The following LNX1 variants were observed in gnomAD, a reference collection of about 807,000 sequenced individuals.
LNX1 encodes the protein ligand of numb-protein X 1.
Under a neutral mutation model 68.4 loss-of-function variants are expected in LNX1, and 54 were observed. The observed-to-expected ratio is 0.79, with a 90% confidence interval of 0.63 to 0.99. The LOEUF is 0.99. Among genes scored for constraint, LNX1 ranks in the 50% least tolerant of loss-of-function variants. The pLI is 0.00. For missense variants in LNX1, 906 were observed against 926.4 expected, an observed-to-expected ratio of 0.98 and a Z score of 0.29; for synonymous variants, 336 against 350.0, an observed-to-expected ratio of 0.96 and a Z score of 0.45.
intron 2 of LNX1, among the ~76,000 whole-genome samples, chr4:53,536,374 G>A (rs1304411585): frequency 6.6e-6 from 1 of 152,104 alleles, no homozygotes; most frequent in Non-Finnish European, 1.5e-5. Context: ...CACAGTCAAA[G>A]TCGTTCCCTA....
At chr4:53,476,522 C>G (rs1482458526) in intron 9 of LNX1, among the ~76,000 whole-genome samples, 1 of 152,172 alleles carries the variant, frequency 6.6e-6, no homozygotes, top group African/African-American at 2.4e-5. Context: ...AGCTCCTCAA[C>G]CTGAACGCCA....
At chr4:53,612,705 AT>A (rs71197034) in intron 2 of LNX1, among the ~76,000 whole-genome samples, 55,701 of 145,264 alleles carry the variant, frequency 0.38, 10,924 homozygotes, top group Admixed American at 0.44. Context: ...TAATTTTTGT[AT>A]TTTTTTTTTT....
chr4:53,511,545 A>G (rs1328851608), intron 2 of LNX1, among the ~76,000 whole-genome samples: 2 of 152,230 alleles, frequency 1.3e-5, no homozygotes, highest in Non-Finnish European at 2.9e-5. Flanking sequence ...GGTGCTGTCC[A>G]TTCAAATGAG....
intron 6 of LNX1, among the ~76,000 whole-genome samples, chr4:53,491,791 A>C (rs1724691165): frequency 1.4e-5 from 1 of 73,564 alleles, no homozygotes; most frequent in Admixed American, 1.8e-4. Flanking sequence ...AGGATACGAT[A>C]CTTTTTTTTG....
intron 2 of LNX1, among the ~76,000 whole-genome samples, chr4:53,530,884 C>A (rs368664273): frequency 6.6e-6 from 1 of 152,044 alleles, no homozygotes; most frequent in African/African-American, 2.4e-5. Context: ...TAAAATGAGG[C>A]CAGGCATAGT....
intron 2 of LNX1, among the ~76,000 whole-genome samples, chr4:53,607,917 C>T (rs896392792): frequency 1.1e-4 from 17 of 152,050 alleles, no homozygotes; most frequent in Non-Finnish European, 1.8e-4. Flanking sequence ...TAGCCAGATG[C>T]GGAAGATTGA....
At chr4:53,495,625 C>T (rs12642437) in intron 6 of LNX1, among the ~76,000 whole-genome samples, 40,479 of 149,976 alleles carry the variant, frequency 0.27, 6,127 homozygotes, top group South Asian at 0.52. Context: ...TCACTGCAAC[C>T]TCCGCCTCCC....
intron 2 of LNX1, chr4:53,557,974 C>T (rs753975077): frequency 8.7e-6 from 14 of 1,613,404 alleles, no homozygotes; most frequent in Non-Finnish European, 1.2e-5. Context: ...ATTCTCCGAG[C>T]AGTGTGCTGC....
intron 2 of LNX1, among the ~76,000 whole-genome samples, chr4:53,570,664 T>TCATA (rs1553939582): frequency 6.3e-5 from 9 of 143,688 alleles, no homozygotes; most frequent in Admixed American, 6.9e-5. Context: ...TAAAGTATAA[T>TCATA]AATAAATAAA....
chr4:53,645,079 G>T (rs2616389), intron 1 of LNX1, among the ~76,000 whole-genome samples: 1 of 152,196 alleles, frequency 6.6e-6, no homozygotes, highest in African/African-American at 2.4e-5. Context: ...GCCAGGCAGT[G>T]TCCACGCCAA....
rs1349632545 is a variant in LNX1 at position 53,636,179 on chromosome 4, C to T, written c.-215+15989G>A. Among the ~76,000 whole-genome samples the T allele has an allele frequency of 5.2e-3, 443 of 85,262 alleles. 2 individuals are homozygous for T. The highest frequency in any genetic ancestry group is 0.019 in the African/African-American group (414 of 21,506). The allele number at this position is 85,262 out of a possible 152,430, so 55.9% of individuals were successfully genotyped here. ...CTCAGAGACTGCACATCTATTACTC[C>T]TTTTTTTTTTTTTTTTTTTTTTTTC... On this transcript the variant is annotated intron_variant, in intron 1 of 2. Transcript: ENST00000507168.
At chr4:53,557,744 G>A in intron 2 of LNX1, 10 of 1,034,348 alleles carry the variant, frequency 9.7e-6, no homozygotes, top group Non-Finnish European at 1.4e-5. Flanking sequence ...TGCTGGCAGG[G>A]TGCTTTGTCC....
chr4:53,476,591 A>C (rs958652045), intron 9 of LNX1, among the ~76,000 whole-genome samples, 162 bp downstream of exon 9: 1 of 152,208 alleles, frequency 6.6e-6, no homozygotes, highest in African/African-American at 2.4e-5. Flanking sequence ...ATGCATTTTC[A>C]GTTACAAATG....
At chr4:53,559,938 G>GCTA (rs1730165433) in intron 2 of LNX1, among the ~76,000 whole-genome samples, 2 of 152,164 alleles carry the variant, frequency 1.3e-5, no homozygotes, top group Admixed American at 6.5e-5. Context: ...TAGGATTACA[G>GCTA]GTGCAAGCCA....
intron 1 of LNX1, among the ~76,000 whole-genome samples, chr4:53,629,668 G>C (rs1422618296): frequency 6.6e-6 from 1 of 152,108 alleles, no homozygotes; most frequent in African/African-American, 2.4e-5. Context: ...CCTGGAGGAT[G>C]GGAAAAAAGA....
At chr4:53,524,119 C>T (rs925954742) in intron 2 of LNX1, 7 of 151,986 alleles carry the variant, frequency 4.6e-5, no homozygotes, top group South Asian at 2.1e-4. Flanking sequence ...TAATATGTTT[C>T]GAGGAGATAT....
chr4:53,648,805 C>G (rs1238213742), intron 1 of LNX1, among the ~76,000 whole-genome samples: 1 of 152,168 alleles, frequency 6.6e-6, no homozygotes, highest in Non-Finnish European at 1.5e-5. Flanking sequence ...CTTCCATCCC[C>G]CTGAACACAT....
intron 1 of LNX1, among the ~76,000 whole-genome samples, chr4:53,636,314 C>T (rs1035417415): frequency 2.0e-5 from 3 of 150,874 alleles, no homozygotes; most frequent in Non-Finnish European, 4.4e-5. Context: ...CACCTCCTTC[C>T]ACACATCACT....
intron 7 of LNX1, among the ~76,000 whole-genome samples, chr4:53,479,668 C>T (rs1267156593): frequency 2.0e-5 from 3 of 152,160 alleles, no homozygotes; most frequent in African/African-American, 7.2e-5. Flanking sequence ...ATTCTCCTCA[C>T]CCTACTTTGG....
Sources: allele counts gnomAD v4.1 joint callset (sites outside exome capture counted in the v4.1 genomes callset), GRCh38; gene constraint gnomAD v4.1.1; transcripts MANE v1.5; gene names NCBI Gene and HGNC (gene_info 2026-07-23, HGNC 2026-07-21).